ZFYVE28: variants seen among roughly 807,000 people sequenced by gnomAD.
The protein encoded by ZFYVE28 is zinc finger FYVE-type containing 28.
In ZFYVE28, 40 loss-of-function variants were observed where a neutral mutation model predicts 82.1. That is an observed-to-expected ratio of 0.49 (90% confidence interval 0.38 to 0.63). The LOEUF (loss-of-function observed/expected upper bound fraction) is 0.63, where lower values mean the gene tolerates loss of function less well. ZFYVE28 is among the 30% of genes least tolerant of loss of function. The pLI, the probability that ZFYVE28 is intolerant of heterozygous loss-of-function variation, is 0.00. For synonymous variants in ZFYVE28, 612 were observed against 546.1 expected, an observed-to-expected ratio of 1.12 and a Z score of -1.68; for missense variants, 1,321 against 1,242.1, an observed-to-expected ratio of 1.06 and a Z score of -0.96.
chr4:2,324,512 C>A, intron 6 of ZFYVE28: 1 of 183,188 alleles, frequency 5.5e-6, no homozygotes, highest in Non-Finnish European at 1.2e-5. Flanking sequence ...CATTTGAAGG[C>A]GCTTTTGAGG....
intron 2 of ZFYVE28, among the ~76,000 whole-genome samples, chr4:2,346,524 G>A (rs572383519): frequency 1.4e-4 from 21 of 151,868 alleles, no homozygotes; most frequent in Non-Finnish European, 2.1e-4. Flanking sequence ...AAAATTGACC[G>A]TTTAAATGAA....
chr4:2,386,828 A>G (rs1234670758), intron 1 of ZFYVE28, among the ~76,000 whole-genome samples: 1 of 152,254 alleles, frequency 6.6e-6, no homozygotes, highest in Admixed American at 6.5e-5. Flanking sequence ...TTTCAGCAGT[A>G]AAACCCCGCT....
At chr4:2,340,731 C>G (rs925850018) in intron 3 of ZFYVE28, among the ~76,000 whole-genome samples, 3 of 152,102 alleles carry the variant, frequency 2.0e-5, no homozygotes, top group Non-Finnish European at 4.4e-5. Flanking sequence ...AGAACCTGCC[C>G]GCGGGCCCCT....
chr4:2,284,479 T>A (rs181030955), intron 8 of ZFYVE28, among the ~76,000 whole-genome samples: 16 of 152,152 alleles, frequency 1.1e-4, no homozygotes, highest in Non-Finnish European at 2.4e-4. Flanking sequence ...TTGGTGGAGA[T>A]TTCACCAATG....
In ZFYVE28 at chr4:2,335,659, C is replaced by A; in HGVS notation, c.701+46G>T. ...GGGACCTGGCACCATCAGCCCTGCCCGTCCCGCAGGTTTCTGCAGAGGTCC... is the reference window on the plus strand; with the variant it reads ...GGGACCTGGCACCATCAGCCCTGCCAGTCCCGCAGGTTTCTGCAGAGGTCC... On this transcript the variant is annotated intron_variant, in intron 6 of 12. Coordinates refer to ENST00000290974, the MANE Select transcript of ZFYVE28 (RefSeq NM_020972.3). This position sits in a 1 kb window ranked among gnomAD's most constrained non-coding sequence, Gnocchi z 5.8. 6.5e-7 allele frequency: 1 copy of A among 1,531,410 alleles called. No individual in the cohort carries two copies. The highest frequency in any genetic ancestry group is 1.2e-5 in the South Asian group (1 of 83,710). The allele number at this position is 1,531,410 out of a possible 1,614,324, so 94.9% of individuals were successfully genotyped here.
chr4:2,272,092 G>A (rs1021934857), intron 10 of ZFYVE28, among the ~76,000 whole-genome samples: 19 of 152,214 alleles, frequency 1.2e-4, no homozygotes, highest in South Asian at 1.0e-3. Flanking sequence ...CACAACCTCC[G>A]TGTGCAGAAC....
At chr4:2,344,105 T>C (rs1472906300) in intron 2 of ZFYVE28, among the ~76,000 whole-genome samples, 2 of 152,142 alleles carry the variant, frequency 1.3e-5, no homozygotes, top group South Asian at 2.1e-4. Context: ...GCTCACTGCC[T>C]TGAGGAAAGT....
At chr4:2,307,512 G>C (rs941834796) in intron 7 of ZFYVE28, among the ~76,000 whole-genome samples, 21 of 147,632 alleles carry the variant, frequency 1.4e-4, no homozygotes, top group African/African-American at 4.8e-4. Context: ...TATTTTTTAA[G>C]TCATGGTCTT....
At chr4:2,323,708 A>C (rs1169901977) in intron 6 of ZFYVE28, among the ~76,000 whole-genome samples, 2 of 91,554 alleles carry the variant, frequency 2.2e-5, no homozygotes, top group South Asian at 4.1e-4. Flanking sequence ...CCCACCCCAC[A>C]ACAGTCCCCA....
intron 2 of ZFYVE28, among the ~76,000 whole-genome samples, chr4:2,353,112 A>G (rs1046093541): frequency 1.4e-4 from 22 of 152,244 alleles, no homozygotes; most frequent in Non-Finnish European, 2.8e-4. Flanking sequence ...AGCCCAAAAA[A>G]GAGCCCAGAG....
At chr4:2,275,377 G>A (rs761849386) in intron 8 of ZFYVE28, among the ~76,000 whole-genome samples, 16 of 152,056 alleles carry the variant, frequency 1.1e-4, no homozygotes, top group Admixed American at 9.8e-4. Flanking sequence ...CTATCTTTTT[G>A]TCCCATTTTC....
intron 1 of ZFYVE28, among the ~76,000 whole-genome samples, chr4:2,406,380 A>C (rs1731918432): frequency 6.6e-6 from 1 of 151,862 alleles, no homozygotes; most frequent in Non-Finnish European, 1.5e-5. Context: ...TCAAAAAAAA[A>C]CAAAACAAAA....
At chr4:2,393,070 C>T (rs924346674) in intron 1 of ZFYVE28, among the ~76,000 whole-genome samples, 3 of 152,236 alleles carry the variant, frequency 2.0e-5, no homozygotes, top group Non-Finnish European at 4.4e-5. Context: ...CCGCAGGCTG[C>T]GTCTGCCCCT....
At chr4:2,373,879 G>A (rs1303955175) in intron 1 of ZFYVE28, among the ~76,000 whole-genome samples, 1 of 152,136 alleles carries the variant, frequency 6.6e-6, no homozygotes, top group Non-Finnish European at 1.5e-5. Context: ...GAACGCACAG[G>A]GATTCCTGCC....
Position 2,317,178 on chromosome 4 carries a change from G to C in ZFYVE28, c.803+2992C>G, listed in dbSNP as rs534559049. The stretch of plus-strand genomic sequence containing the variant: ...TAATTTTTGTATTCTTGTAGAGATG[G>C]GGTTTTGCCATGTTGGCTGGGCTGG... On this transcript the variant is annotated intron_variant, in intron 7 of 12. Transcript: ENST00000290974. 5.3e-5 allele frequency among the ~76,000 whole-genome samples: 8 copies of C among 151,200 alleles called. No individual in the cohort carries two copies. In the South Asian group the frequency reaches 1.7e-3, roughly 32 times the overall value.
chr4:2,354,679 G>C lies in ZFYVE28; in HGVS notation c.40-606C>G, dbSNP rs182436929. On this transcript the variant is annotated intron_variant, in intron 1 of 12. Transcript: ENST00000290974. ...TCGCCATATTGGCCAGGCTAGTCTC[G>C]AACTCCTGACCTCAGGTGATCCACG... Among the ~76,000 whole-genome samples the C allele has an allele frequency of 3.9e-4, 60 of 151,992 alleles. 1 individual carries two copies. The highest frequency in any genetic ancestry group is 1.4e-3 in the African/African-American group (60 of 41,454).
chr4:2,333,841 G>A (rs545599284), intron 6 of ZFYVE28, among the ~76,000 whole-genome samples: 1 of 152,338 alleles, frequency 6.6e-6, no homozygotes, highest in African/African-American at 2.4e-5. Flanking sequence ...AGAAGAATAA[G>A]GACCAAAACT....
intron 7 of ZFYVE28, 93 bp from the exon 8 acceptor site, chr4:2,305,629 C>A: frequency 6.8e-7 from 1 of 1,459,900 alleles, no homozygotes; most frequent in African/African-American, 1.4e-5. Flanking sequence ...GAGTCTGCAC[C>A]AGCAGAACAA....
chr4:2,323,027 C>T lies in ZFYVE28; in HGVS notation c.702-2756G>A, dbSNP rs116695119. On this transcript the variant is annotated intron_variant, in intron 6 of 12. Coordinates refer to ENST00000290974, the MANE Select transcript of ZFYVE28 (RefSeq NM_020972.3). ...AAACATTCGTGTAGAAGTTTGTTCA[C>T]GGACATATGTTTTCATTTCTCTTGG... is the stretch of plus-strand genomic sequence containing the variant. 3.7e-3 allele frequency among the ~76,000 whole-genome samples: 568 copies of T among 152,268 alleles called. 4 individuals are homozygous for T. The highest frequency in any genetic ancestry group is 0.013 in the African/African-American group (537 of 41,520).
Sources: gnomAD v4.1 joint callset for allele counts (sites outside exome capture counted in the v4.1 genomes callset) on GRCh38, gnomAD v4.1.1 for gene constraint, Gnocchi (gnomAD v3.1) non-coding constraint, MANE v1.5 for transcripts, NCBI Gene and HGNC (gene_info 2026-07-23, HGNC 2026-07-21) for gene names.